AK5: variants seen among roughly 807,000 people sequenced by gnomAD.
AK5 encodes the protein adenylate kinase 5, also known as adenylate kinase isoenzyme 5.
In AK5, 27 loss-of-function variants were observed where a neutral mutation model predicts 69.5. That is an observed-to-expected ratio of 0.39 (90% confidence interval 0.29 to 0.54). The LOEUF (loss-of-function observed/expected upper bound fraction) is 0.54. AK5 is among the 20% of genes least tolerant of loss of function. The probability of loss-of-function intolerance (pLI) is 0.71; values close to 1 mark genes in which losing one functional copy is unlikely to be tolerated. For synonymous variants in AK5, 260 were observed against 244.4 expected, an observed-to-expected ratio of 1.06 and a Z score of -0.60; for missense variants, 531 against 700.4, an observed-to-expected ratio of 0.76 and a Z score of 2.73.
At chr1:77,512,242 T>TGA (rs746100793) in intron 10 of AK5, among the ~76,000 whole-genome samples, 1 of 151,620 alleles carries the variant, frequency 6.6e-6, no homozygotes, top group Non-Finnish European at 1.5e-5. Flanking sequence ...TGTGTGTGTG[T>TGA]GAGAGAGAGA....
chr1:77,520,202 CAAAAA>C (rs377135288), intron 11 of AK5, among the ~76,000 whole-genome samples: 2 of 110,568 alleles, frequency 1.8e-5, no homozygotes. Context: ...AACTCCATCT[CAAAAA>C]AAAAAAAAAA....
chr1:77,515,323 G>T (rs924517145), intron 10 of AK5, among the ~76,000 whole-genome samples: 1 of 152,040 alleles, frequency 6.6e-6, no homozygotes, highest in Non-Finnish European at 1.5e-5. Flanking sequence ...TATTAGAAAG[G>T]GTCAACAACT....
At chr1:77,389,016 C>T (rs1236107539) in intron 6 of AK5, among the ~76,000 whole-genome samples, 1 of 152,192 alleles carries the variant, frequency 6.6e-6, no homozygotes, top group Non-Finnish European at 1.5e-5. Flanking sequence ...AAAAAGAAGG[C>T]TTACTGATAG....
chr1:77,424,014 G>A lies in AK5; in HGVS notation c.1059+6299G>A, dbSNP rs565604030. On this transcript the variant is annotated intron_variant, in intron 8 of 13. Transcript: ENST00000354567. ...TCGAAAAACACTGGCAGAGTTCACA[G>A]TCCAGGGCCACAGGCTCACCAAAAG... Among the ~76,000 whole-genome samples, 3 of 152,280 alleles carry A rather than the reference G, an allele frequency of 2.0e-5. No individual in the cohort carries two copies. The Middle Eastern group carries it at 0.01, about 518-fold the overall frequency.
chr1:77,471,584 G>C (rs1654514250), intron 8 of AK5, among the ~76,000 whole-genome samples: 1 of 152,174 alleles, frequency 6.6e-6, no homozygotes, highest in African/African-American at 2.4e-5. Flanking sequence ...AACTGGAGTA[G>C]TATGGAGTTT....
At chr1:77,283,064 A>AG (rs1447989744) in intron 1 of AK5, 6 of 985,362 alleles carry the variant, frequency 6.1e-6, no homozygotes, top group Non-Finnish European at 7.2e-6. Flanking sequence ...GGGAGCTGCG[A>AG]GGGGGGCGGA....
intron 10 of AK5, among the ~76,000 whole-genome samples, chr1:77,515,326 C>T (rs935331320): frequency 7.9e-5 from 12 of 152,190 alleles, no homozygotes; most frequent in South Asian, 6.2e-4. Context: ...TAGAAAGGGT[C>T]AACAACTAAT....
intron 10 of AK5, among the ~76,000 whole-genome samples, chr1:77,491,692 G>T (rs1656017796): frequency 6.6e-6 from 1 of 152,216 alleles, no homozygotes; most frequent in Non-Finnish European, 1.5e-5. Flanking sequence ...AATTAAATAT[G>T]AAAGAACTCG....
intron 8 of AK5, among the ~76,000 whole-genome samples, chr1:77,452,977 T>C (rs953948445): frequency 4.6e-5 from 7 of 152,244 alleles, no homozygotes; most frequent in African/African-American, 1.4e-4. Context: ...TTAAATAGAT[T>C]GTATAAAATA....
chr1:77,287,118 C>A lies in AK5; in HGVS notation c.238C>A (p.Leu80Ile). The A allele has an allele frequency of 6.4e-7, 1 of 1,557,710 alleles. No homozygotes were observed. The highest frequency in any genetic ancestry group is 8.7e-7 in the Non-Finnish European group (1 of 1,151,794). ...TGGAGGACAGTCACGGAGATCCTTT[C>A]TAAGAAATGGTAATGTATATGGAGA... ...LNGGQSRRSF[L>I]RNVMPENSNF... is the part of the protein sequence containing the mutation. Residue 80 changes from leucine to isoleucine, a missense_variant, in exon 2 of 14, where the codon CTA becomes ATA. Coordinates refer to ENST00000354567, the MANE Select transcript of AK5 (RefSeq NM_174858.3).
chr1:77,310,300 A>G (rs1437064453), intron 5 of AK5, among the ~76,000 whole-genome samples: 1 of 152,092 alleles, frequency 6.6e-6, no homozygotes, highest in East Asian at 1.9e-4. Context: ...TTCTGCACCA[A>G]TATCATGGTT....
At chr1:77,417,557 T>C (rs906308934) in intron 7 of AK5, 82 bp from the exon 8 acceptor site, 12 of 826,768 alleles carry the variant, frequency 1.5e-5, no homozygotes, top group Non-Finnish European at 2.1e-5. Flanking sequence ...TAGGAAAATA[T>C]GGAAACCTAG....
chr1:77,327,410 A>G (rs1207530053), intron 5 of AK5, among the ~76,000 whole-genome samples: 4 of 148,374 alleles, frequency 2.7e-5, no homozygotes, highest in Admixed American at 2.0e-4. Context: ...AAAAAAAAAC[A>G]CATACACACA....
At chr1:77,448,634 G>A (rs1379111029) in intron 8 of AK5, among the ~76,000 whole-genome samples, 2 of 152,206 alleles carry the variant, frequency 1.3e-5, no homozygotes, top group Non-Finnish European at 2.9e-5. Flanking sequence ...TGCAGGACAA[G>A]CACTTGGAAC....
intron 8 of AK5, among the ~76,000 whole-genome samples, chr1:77,426,773 A>G (rs1414750744): frequency 6.6e-6 from 1 of 152,218 alleles, no homozygotes; most frequent in African/African-American, 2.4e-5. Context: ...AAAGAATATA[A>G]ATCATACAGT....
chr1:77,360,827 A>G (rs773217239), intron 6 of AK5, among the ~76,000 whole-genome samples: 99 of 152,296 alleles, frequency 6.5e-4, no homozygotes, highest in Non-Finnish European at 7.6e-4. Context: ...TTCAACGAAT[A>G]TGTGTTATTC....
chr1:77,419,021 A>T (rs1029859491), intron 8 of AK5, among the ~76,000 whole-genome samples: 2 of 150,162 alleles, frequency 1.3e-5, no homozygotes, highest in African/African-American at 4.9e-5. Flanking sequence ...CATCTCTAGG[A>T]AGTAAGAATT....
At chr1:77,312,930 C>G (rs1457744369) in intron 5 of AK5, among the ~76,000 whole-genome samples, 1 of 152,020 alleles carries the variant, frequency 6.6e-6, no homozygotes, top group African/African-American at 2.4e-5. Flanking sequence ...TTTTAAGAAC[C>G]TATGCAGACC....
chr1:77,496,492 G>A (rs1026597302), intron 10 of AK5, among the ~76,000 whole-genome samples: 1 of 152,170 alleles, frequency 6.6e-6, no homozygotes, highest in African/African-American at 2.4e-5. Flanking sequence ...AAGGTCATCA[G>A]AATGGTCATT....
Sources: allele counts gnomAD v4.1 joint callset (sites outside exome capture counted in the v4.1 genomes callset), GRCh38; gene constraint gnomAD v4.1.1; transcripts MANE v1.5; gene names NCBI Gene and HGNC (gene_info 2026-07-23, HGNC 2026-07-21).